The following SH3PXD2A variants were observed in gnomAD, a reference collection of about 807,000 sequenced individuals.
SH3PXD2A encodes the protein SH3 and PX domain-containing protein 2A.
Under a neutral mutation model 115.2 loss-of-function variants are expected in SH3PXD2A, and 32 were observed. The observed-to-expected ratio is 0.28, with a 90% confidence interval of 0.21 to 0.37. The LOEUF (loss-of-function observed/expected upper bound fraction) is 0.37, where lower values mean the gene tolerates loss of function less well. Among genes scored for constraint, SH3PXD2A ranks in the 10% least tolerant of loss-of-function variants. The pLI is 1.00. For missense variants in SH3PXD2A, 1,328 were observed against 1,498.7 expected, an observed-to-expected ratio of 0.89 and a Z score of 1.88; for synonymous variants, 610 against 629.1, an observed-to-expected ratio of 0.97 and a Z score of 0.45.
intron 8 of SH3PXD2A, among the ~76,000 whole-genome samples, chr10:103,637,418 T>A (rs1487465601): frequency 6.6e-6 from 1 of 152,152 alleles, no homozygotes; most frequent in Non-Finnish European, 1.5e-5. Flanking sequence ...GCTGCACTCA[T>A]TCCATGCCCA....
chr10:103,693,783 G>A (rs191216759), intron 5 of SH3PXD2A, among the ~76,000 whole-genome samples: 3 of 152,072 alleles, frequency 2.0e-5, no homozygotes, highest in Admixed American at 6.6e-5. Flanking sequence ...AGCGGGTAGT[G>A]GGGGGGACAG....
At chr10:103,745,569 C>T (rs1313027835) in intron 3 of SH3PXD2A, among the ~76,000 whole-genome samples, 1 of 151,876 alleles carries the variant, frequency 6.6e-6, no homozygotes, top group Non-Finnish European at 1.5e-5. Flanking sequence ...AAATGGTGAA[C>T]AAATGGGATC....
rs756989926 is a variant in SH3PXD2A at position 103,611,645 on chromosome 10, A to G, written c.1259-15T>C. 3.1e-6 allele frequency: 5 copies of G among 1,611,970 alleles called. No homozygotes were observed. Among genetic ancestry groups the G allele is most frequent in the East Asian group, 2.2e-5 (1 of 44,856 alleles). ...GTTCGGGGAGCCTAGAGGAAGAGACATGGCTTCAGAAATCCTAGTCAGACG... is the reference window on the plus strand; with the variant it reads ...GTTCGGGGAGCCTAGAGGAAGAGACGTGGCTTCAGAAATCCTAGTCAGACG... On this transcript the variant is annotated splice_polypyrimidine_tract_variant and intron_variant, in intron 12 of 14. Transcript: ENST00000369774.
intron 5 of SH3PXD2A, among the ~76,000 whole-genome samples, chr10:103,718,416 C>G (rs1463178186): frequency 6.6e-6 from 1 of 152,158 alleles, no homozygotes; most frequent in African/African-American, 2.4e-5. Flanking sequence ...CAGGAGAGAC[C>G]AAGAAACTAC....
At position 103,784,346 on chromosome 10, in the gene SH3PXD2A, T is replaced by C. The variant is rs1439525873; in HGVS notation, c.153+16936A>G. ...CGTGGATGCCCGTGCCTGGAGCGCCTTCCCAGCCTACCTGAACCCCAGCCC... is the reference window on the plus strand; with the variant it reads ...CGTGGATGCCCGTGCCTGGAGCGCCCTCCCAGCCTACCTGAACCCCAGCCC... On this transcript the variant is annotated intron_variant, in intron 2 of 14. Transcript: ENST00000369774. The surrounding 1 kb of genome is among the most constrained non-coding windows in gnomAD (Gnocchi z 4.4). 2.0e-5 allele frequency among the ~76,000 whole-genome samples: 3 copies of C among 152,124 alleles called. No homozygotes were observed. The highest frequency in any genetic ancestry group is 4.8e-5 in the African/African-American group (2 of 41,452).
Position 103,603,612 on chromosome 10 carries a change from C to G in SH3PXD2A, c.1606G>C (p.Glu536Gln). The change falls in exon 15 of 15, where the codon GAG (glutamate) becomes CAG (glutamine). Residue 536 changes from glutamate (E) to glutamine (Q), a missense_variant. By Grantham distance (29) the Glu-to-Gln change is conservative. This residue lies in a region of SH3PXD2A where 509 missense variants were observed against 628.3 expected (regional missense o/e 0.81). Transcript: ENST00000369774. ...APPSKPKEAE[E>Q]GPTGASESQD... ...CTCTCACTGGCCCCCGTAGGGCCCTCCTCGGCCTCCTTGGGCTTGCTGGGG... is the reference window on the plus strand; with the variant it reads ...CTCTCACTGGCCCCCGTAGGGCCCTGCTCGGCCTCCTTGGGCTTGCTGGGG... The G allele has an allele frequency of 6.2e-7, 1 of 1,604,554 alleles. No individual in the cohort carries two copies. The highest frequency in any genetic ancestry group is 8.5e-7 in the Non-Finnish European group (1 of 1,175,484).
chr10:103,745,384 G>A (rs1358368991), intron 3 of SH3PXD2A, among the ~76,000 whole-genome samples: 1 of 152,220 alleles, frequency 6.6e-6, no homozygotes, highest in Non-Finnish European at 1.5e-5. Flanking sequence ...GTCCTGACTG[G>A]TACATCTGGC....
chr10:103,719,695 ATTTCTTTTTCTTTTTTTTTTTC>A (rs1364543820), intron 5 of SH3PXD2A, among the ~76,000 whole-genome samples: 5 of 145,920 alleles, frequency 3.4e-5, no homozygotes, highest in African/African-American at 1.3e-4. Flanking sequence ...ACACTAGGTA[ATTTCTTTTTCTTTTTTTTTTTC>A]TTTCTTTTTT....
chr10:103,767,083 C>T lies in SH3PXD2A; in HGVS notation c.229+11G>A, dbSNP rs1366096102. 4 of 1,610,786 alleles carry T rather than the reference C, an allele frequency of 2.5e-6. No homozygotes were observed. The East Asian group carries it at 8.9e-5, about 36-fold the overall frequency. On this transcript the variant is annotated intron_variant, in intron 3 of 14. Coordinates refer to ENST00000369774, the MANE Select transcript of SH3PXD2A (RefSeq NM_001394015.1). ...ATCCCCCATCCCTGGGTGGAGCCAC[C>T]CAATGCTTACCTGGGAGGAAGGGGA...
chr10:103,851,906 A>C (rs1162303853), intron 1 of SH3PXD2A, among the ~76,000 whole-genome samples: 1 of 152,214 alleles, frequency 6.6e-6, no homozygotes, highest in Admixed American at 6.5e-5. Context: ...GTTTTAGATA[A>C]ACGAGCTTTT....
In SH3PXD2A at chr10:103,685,572, G is replaced by A. The variant is rs570767282; in HGVS notation, c.427+7456C>T. 5.9e-5 allele frequency among the ~76,000 whole-genome samples: 9 copies of A among 152,204 alleles called. No individual in the cohort carries two copies. In the South Asian group the frequency reaches 1.9e-3, roughly 32 times the overall value. ...ACCAGCGCTCTCTCCTGTTTGAGAC[G>A]AACCCCTCCGGTGCTGCCTCCTATT... On this transcript the variant is annotated intron_variant, in intron 6 of 14. Transcript: ENST00000369774.
At chr10:103,671,428 C>T (rs1299001347) in intron 6 of SH3PXD2A, among the ~76,000 whole-genome samples, 3 of 152,158 alleles carry the variant, frequency 2.0e-5, no homozygotes, top group East Asian at 3.8e-4. Flanking sequence ...CAGGCCTTCC[C>T]GTATCTCTCC....
At chr10:103,640,583 C>CT (rs2036939993) in intron 8 of SH3PXD2A, among the ~76,000 whole-genome samples, 1 of 152,162 alleles carries the variant, frequency 6.6e-6, no homozygotes. Context: ...CAGTCATCAT[C>CT]AGCAATCGTG....
chr10:103,684,969 G>A (rs1046047569), intron 6 of SH3PXD2A, among the ~76,000 whole-genome samples: 2 of 152,134 alleles, frequency 1.3e-5, no homozygotes, highest in African/African-American at 4.8e-5. Flanking sequence ...GCAGTGAGCT[G>A]TGGTTGTGCC....
intron 2 of SH3PXD2A, among the ~76,000 whole-genome samples, chr10:103,778,738 T>C (rs1481149133): frequency 6.6e-6 from 1 of 152,200 alleles, no homozygotes; most frequent in Non-Finnish European, 1.5e-5. Context: ...CCTTTCTGCT[T>C]TCAGGGAGCT....
intron 5 of SH3PXD2A, among the ~76,000 whole-genome samples, chr10:103,702,104 A>G (rs953644168): frequency 1.3e-5 from 2 of 150,134 alleles, no homozygotes; most frequent in Non-Finnish European, 3.0e-5. Flanking sequence ...TCATCCAGCC[A>G]TCCATCCATC....
At chr10:103,648,831 C>T (rs1193318894) in intron 8 of SH3PXD2A, among the ~76,000 whole-genome samples, 1 of 152,230 alleles carries the variant, frequency 6.6e-6, no homozygotes, top group Non-Finnish European at 1.5e-5. Context: ...TGCACGTGCC[C>T]CCTCGCGTGC....
intron 8 of SH3PXD2A, among the ~76,000 whole-genome samples, chr10:103,657,891 G>A (rs1171098069): frequency 2.0e-5 from 3 of 152,200 alleles, no homozygotes; most frequent in African/African-American, 7.2e-5. Context: ...CTACAGCATT[G>A]CCAACTTGGA....
chr10:103,653,578 G>A lies in SH3PXD2A; in HGVS notation c.604+7405C>T, dbSNP rs938929117. Among the ~76,000 whole-genome samples, 6 of 152,282 alleles carry A rather than the reference G, an allele frequency of 3.9e-5. No homozygotes were observed. In the South Asian group the frequency reaches 1.2e-3, roughly 32 times the overall value. On this transcript the variant is annotated intron_variant, in intron 8 of 14. Coordinates refer to ENST00000369774, the MANE Select transcript of SH3PXD2A (RefSeq NM_001394015.1). Reference sequence around the variant, plus strand: ...GGTCCACAGAGCCAGTAGGTCCACAGAGTCAGGCCACAGCAACTGGACACC... The same window carrying A: ...GGTCCACAGAGCCAGTAGGTCCACAAAGTCAGGCCACAGCAACTGGACACC...
Sources: gnomAD v4.1 joint callset for allele counts (sites outside exome capture counted in the v4.1 genomes callset) on GRCh38, gnomAD v4.1.1 for gene constraint, gnomAD v4.1.1 regional missense constraint, Gnocchi (gnomAD v3.1) non-coding constraint, MANE v1.5 for transcripts, NCBI Gene and HGNC (gene_info 2026-07-23, HGNC 2026-07-21) for gene names.